EIF2AK1: variants seen among roughly 807,000 people sequenced by gnomAD.
EIF2AK1 encodes eukaryotic translation initiation factor 2 alpha kinase 1.
A neutral mutation model predicts 77.9 loss-of-function variants in EIF2AK1; 54 were observed. That is an observed-to-expected ratio of 0.69 (90% CI 0.56 to 0.87). The LOEUF (loss-of-function observed/expected upper bound fraction) is 0.87, where lower values mean the gene tolerates loss of function less well. Ranked by LOEUF, EIF2AK1 falls within the 40% of genes least tolerant of loss-of-function variation. The pLI, the probability that EIF2AK1 is intolerant of heterozygous loss-of-function variation, is 0.00. For missense variants in EIF2AK1, 810 were observed against 768.6 expected (o/e 1.05, Z -0.64); for synonymous variants, 314 against 290.5 (o/e 1.08, Z -0.82).
chr7:6,045,874 G>A (rs1788432941), intron 6 of EIF2AK1, among the ~76,000 whole-genome samples, 197 bp downstream of exon 6: 1 of 151,400 alleles, frequency 6.6e-6, no homozygotes, highest in African/African-American at 2.4e-5. Flanking sequence ...ACTCCAACCT[G>A]GCCAAAAGAG....
chr7:6,056,572 C>A (rs1430761963), intron 1 of EIF2AK1, among the ~76,000 whole-genome samples: 14 of 90,812 alleles, frequency 1.5e-4, no homozygotes, highest in African/African-American at 5.3e-4. Context: ...CCAGCCTGGG[C>A]AACAGAGGGA....
intron 7 of EIF2AK1, 65 bp from the exon 8 acceptor site, chr7:6,043,058 G>T: frequency 6.7e-7 from 1 of 1,490,056 alleles, no homozygotes; most frequent in South Asian, 1.1e-5. Flanking sequence ...GTCAAAGACA[G>T]AGTTAAAATA....
At chr7:6,028,488 G>A (rs1255655834) in intron 13 of EIF2AK1, 127 bp downstream of exon 13, 39 of 821,232 alleles carry the variant, frequency 4.7e-5, no homozygotes, top group Non-Finnish European at 5.2e-5. Context: ...CTGACCTCCG[G>A]TGATCCACCC....
intron 2 of EIF2AK1, among the ~76,000 whole-genome samples, chr7:6,053,205 T>C (rs1211231967): frequency 1.3e-5 from 2 of 152,122 alleles, no homozygotes; most frequent in Non-Finnish European, 2.9e-5. Flanking sequence ...TTTTTAATTT[T>C]TGTGAGTATA....
chr7:6,031,530 C>G (rs576553747), intron 11 of EIF2AK1: 1 of 1,550,636 alleles, frequency 6.4e-7, no homozygotes, highest in East Asian at 2.4e-5. Context: ...AGAAATCACC[C>G]TGTCAACCAG....
chr7:6,023,212 T>C lies in EIF2AK1; in HGVS notation c.*1461A>G, dbSNP rs1787563242. The C allele has an allele frequency of 2.2e-6, 3 of 1,388,472 alleles. No individual in the cohort carries two copies. The highest frequency in any genetic ancestry group is 1.4e-5 in the South Asian group (1 of 71,280). The allele number at this position is 1,388,472 out of a possible 1,614,324, so 86.0% of individuals were successfully genotyped here. A position where few individuals can be genotyped will look rare whatever the true frequency, so the allele number is the denominator to read the frequency against. On this transcript the variant is annotated 3_prime_UTR_variant, in exon 15 of 15. Coordinates refer to ENST00000199389, the MANE Select transcript of EIF2AK1 (RefSeq NM_014413.4). The stretch of plus-strand genomic sequence containing the variant: ...CACCCTTTCCCATGTCATCAGTCTG[T>C]GGTGTTTGGTGACTGTCCCCTTCCC...
chr7:6,055,836 AG>A (rs763770147), intron 1 of EIF2AK1, among the ~76,000 whole-genome samples: 2 of 150,652 alleles, frequency 1.3e-5, no homozygotes, highest in Non-Finnish European at 3.0e-5. Context: ...AAAATTAGCC[AG>A]GCGTGGTGGC....
intron 2 of EIF2AK1, among the ~76,000 whole-genome samples, chr7:6,053,739 C>T (rs1788674050): frequency 6.9e-6 from 1 of 145,108 alleles, no homozygotes; most frequent in Non-Finnish European, 1.5e-5. Flanking sequence ...GTGATCTCGG[C>T]TCACTGCAAC....
chr7:6,058,916 G>T (rs772903520), intron 1 of EIF2AK1, 50 bp downstream of exon 1: 1 of 1,442,166 alleles, frequency 6.9e-7, no homozygotes, highest in East Asian at 3.0e-5. Flanking sequence ...GCCCAGAAAC[G>T]CAGGTGGACA....
At chr7:6,045,987 A>G in intron 6 of EIF2AK1, 84 bp downstream of exon 6, 1 of 864,848 alleles carries the variant, frequency 1.2e-6, no homozygotes, top group Non-Finnish European at 1.7e-6. Context: ...TACTTTTGCC[A>G]AATATACACA....
chr7:6,055,342 CAA>C (rs58804557), intron 1 of EIF2AK1, among the ~76,000 whole-genome samples: 9 of 70,236 alleles, frequency 1.3e-4, no homozygotes, highest in Admixed American at 3.9e-4. Context: ...AACTCCGTCT[CAA>C]AAAAAAAAAA....
At position 6,028,704 on chromosome 7, in the gene EIF2AK1, T is replaced by C; in HGVS notation, c.1448-7A>G. 6.2e-7 allele frequency: 1 copy of C among 1,613,912 alleles called. No homozygotes were observed. ...GACGTATGTGTTGGTGTTCCTATCA[T>C]TTCAAAAGCCACATATTAAACATTG... On this transcript the variant is annotated splice_polypyrimidine_tract_variant and splice_region_variant and intron_variant, in intron 12 of 14. Coordinates refer to ENST00000199389, the MANE Select transcript of EIF2AK1 (RefSeq NM_014413.4).
At chr7:6,031,174 TAAA>T (rs1278815036) in intron 11 of EIF2AK1, among the ~76,000 whole-genome samples, 1 of 152,188 alleles carries the variant, frequency 6.6e-6, no homozygotes, top group Non-Finnish European at 1.5e-5. Context: ...TAGAAAACCC[TAAA>T]AACTGCTGAC....
In EIF2AK1 at chr7:6,035,983, C is replaced by A. The variant is rs1005105930; in HGVS notation, c.1332+1441G>T. 10 of 1,550,628 alleles carry A rather than the reference C, an allele frequency of 6.4e-6. No homozygotes were observed. The African/African-American group carries it at 1.4e-4, about 21-fold the overall frequency. On this transcript the variant is annotated intron_variant, in intron 11 of 14. Coordinates refer to ENST00000199389, the MANE Select transcript of EIF2AK1 (RefSeq NM_014413.4). This position sits in a 1 kb window ranked among gnomAD's most constrained non-coding sequence, Gnocchi z 5.5. ...AAGGGCCAAACAGCCATCCATGAGG[C>A]ATGCTTTGGAGGCAGAGAGGCAATC...
intron 2 of EIF2AK1, among the ~76,000 whole-genome samples, chr7:6,051,393 G>A (rs1421010863): frequency 1.3e-5 from 2 of 150,660 alleles, no homozygotes; most frequent in African/African-American, 2.4e-5. Context: ...TGCCTCAGTC[G>A]CCTGAGTAGC....
At chr7:6,043,214 A>G (rs1159045540) in intron 7 of EIF2AK1, among the ~76,000 whole-genome samples, 1 of 152,120 alleles carries the variant, frequency 6.6e-6, no homozygotes, top group East Asian at 1.9e-4. Flanking sequence ...AGCACAGAGG[A>G]CTTGACAGTA....
Position 6,023,973 on chromosome 7 carries a change from G to T in EIF2AK1, c.*700C>A. The T allele has an allele frequency of 7.2e-7, 1 of 1,382,576 alleles. No homozygotes were observed. The highest frequency in any genetic ancestry group is 9.5e-7 in the Non-Finnish European group (1 of 1,050,666). 85.6% of individuals were successfully genotyped at this position (1,382,576 alleles called of 1,614,324 possible). A position where few individuals can be genotyped will look rare whatever the true frequency, so the allele number is the denominator to read the frequency against. On this transcript the variant is annotated 3_prime_UTR_variant, in exon 15 of 15. Coordinates refer to ENST00000199389, the MANE Select transcript of EIF2AK1 (RefSeq NM_014413.4). ...CTCTGAGGGATGTACAGATTGGCTG[G>T]GGAGCTGAGTGCTACAATAAAGGAG...
At chr7:6,058,872 A>T in intron 1 of EIF2AK1, 94 bp downstream of exon 1, 1 of 1,159,466 alleles carries the variant, frequency 8.6e-7, no homozygotes, top group Non-Finnish European at 1.2e-6. Flanking sequence ...AAAGTCGCCC[A>T]GGTCCTCAGG....
intron 2 of EIF2AK1, 65 bp from the exon 3 acceptor site, chr7:6,050,110 T>C: frequency 7.4e-7 from 1 of 1,356,582 alleles, no homozygotes; most frequent in Non-Finnish European, 1.0e-6. Context: ...TTTTAAAGTG[T>C]ACACAGAGAA....
Sources: allele counts gnomAD v4.1 joint callset (sites outside exome capture counted in the v4.1 genomes callset), GRCh38; gene constraint gnomAD v4.1.1; non-coding constraint Gnocchi (gnomAD v3.1); transcripts MANE v1.5; gene names NCBI Gene and HGNC (gene_info 2026-07-23, HGNC 2026-07-21).